Variants in ASTN2 observed in about 807,000 individuals in gnomAD.
ASTN2 encodes astrotactin 2.
Under a neutral mutation model 139.8 loss-of-function variants are expected in ASTN2, and 54 were observed. The ratio of observed to expected loss-of-function variants is 0.39; its 90% CI spans 0.31 to 0.48. The LOEUF (loss-of-function observed/expected upper bound fraction) is 0.48. Among genes scored for constraint, ASTN2 ranks in the 20% least tolerant of loss-of-function variants. The pLI is 0.95. For missense variants in ASTN2, 1,565 were observed against 1,725.1 expected (o/e 0.91, Z 1.64); for synonymous variants, 756 against 719.5 (o/e 1.05, Z -0.81).
At chr9:116,656,932 T>G (rs943536570) in intron 16 of ASTN2, among the ~76,000 whole-genome samples, 48 of 152,328 alleles carry the variant, frequency 3.2e-4, no homozygotes, top group Non-Finnish European at 6.6e-4. Context: ...TTGAAGCATT[T>G]AAAAGCTCCA....
chr9:116,672,491 A>G (rs1859257089), intron 16 of ASTN2, among the ~76,000 whole-genome samples: 1 of 152,214 alleles, frequency 6.6e-6, no homozygotes, highest in African/African-American at 2.4e-5. Context: ...TCAGTTGCCA[A>G]TGAGAGAAGA....
At chr9:116,661,696 C>T (rs569604776) in intron 16 of ASTN2, among the ~76,000 whole-genome samples, 77 of 152,218 alleles carry the variant, frequency 5.1e-4, no homozygotes, top group Middle Eastern at 6.8e-3. Flanking sequence ...ACTTCATATA[C>T]ATCTGGATGT....
chr9:117,403,762 C>T (rs1830904507), intron 1 of ASTN2, among the ~76,000 whole-genome samples: 1 of 152,158 alleles, frequency 6.6e-6, no homozygotes, highest in Non-Finnish European at 1.5e-5. Flanking sequence ...CGCCTGCTCC[C>T]ACAACACCCA....
chr9:117,038,048 A>G (rs1317472103), intron 6 of ASTN2, among the ~76,000 whole-genome samples: 2 of 152,198 alleles, frequency 1.3e-5, no homozygotes, highest in South Asian at 2.1e-4. Context: ...CTGAATGTAT[A>G]TGAACTGATT....
intron 1 of ASTN2, among the ~76,000 whole-genome samples, chr9:117,317,883 A>G (rs996183513): frequency 2.0e-5 from 3 of 152,178 alleles, no homozygotes; most frequent in Non-Finnish European, 4.4e-5. Flanking sequence ...CACTCCAGAG[A>G]GGGGCTGTGA....
chr9:116,981,959 A>T (rs541218594), intron 7 of ASTN2, among the ~76,000 whole-genome samples: 1 of 152,248 alleles, frequency 6.6e-6, no homozygotes, highest in East Asian at 1.9e-4. Context: ...GTTTTAAAAG[A>T]TTTACTCTTC....
chr9:116,743,351 C>T (rs534662133), intron 13 of ASTN2, among the ~76,000 whole-genome samples: 3 of 152,258 alleles, frequency 2.0e-5, no homozygotes, highest in South Asian at 4.1e-4. Context: ...GAGATTGAGA[C>T]CATCCTCGCT....
chr9:117,051,329 C>A (rs1357105660), intron 5 of ASTN2, among the ~76,000 whole-genome samples: 1 of 152,136 alleles, frequency 6.6e-6, no homozygotes, highest in Non-Finnish European at 1.5e-5. Flanking sequence ...TTTGATTAAT[C>A]ATAAAAGCTT....
intron 3 of ASTN2, among the ~76,000 whole-genome samples, chr9:117,173,221 T>C (rs1484439433): frequency 6.6e-6 from 1 of 152,142 alleles, no homozygotes; most frequent in African/African-American, 2.4e-5. Flanking sequence ...CACTTAGCAA[T>C]CTGGCCCCAA....
intron 1 of ASTN2, among the ~76,000 whole-genome samples, chr9:117,393,916 A>G (rs987547635): frequency 6.6e-6 from 1 of 152,160 alleles, no homozygotes; most frequent in Non-Finnish European, 1.5e-5. Flanking sequence ...GAACAGGCCC[A>G]TCAAGGGTCC....
At chr9:117,111,751 T>A (rs1403026860) in intron 4 of ASTN2, among the ~76,000 whole-genome samples, 2 of 152,100 alleles carry the variant, frequency 1.3e-5, no homozygotes, top group Admixed American at 6.5e-5. Context: ...TTGCACATCA[T>A]AGTCAAACTG....
chr9:116,541,926 T>C (rs886718899), intron 19 of ASTN2, among the ~76,000 whole-genome samples: 2 of 152,194 alleles, frequency 1.3e-5, no homozygotes, highest in African/African-American at 4.8e-5. Flanking sequence ...CTTTACCCAG[T>C]TTTCTCCTGT....
At chr9:117,095,285 C>T (rs1430516567) in intron 5 of ASTN2, among the ~76,000 whole-genome samples, 1 of 152,212 alleles carries the variant, frequency 6.6e-6, no homozygotes, top group Non-Finnish European at 1.5e-5. Context: ...GAATCACATT[C>T]ACAGGCAATT....
intron 5 of ASTN2, among the ~76,000 whole-genome samples, chr9:117,056,017 T>C (rs1346811563): frequency 6.6e-6 from 1 of 152,230 alleles, no homozygotes; most frequent in Non-Finnish European, 1.5e-5. Context: ...TGAGAAGAGC[T>C]GAGGATGGCC....
At chr9:116,855,590 G>T (rs1004431463) in intron 11 of ASTN2, among the ~76,000 whole-genome samples, 1 of 152,188 alleles carries the variant, frequency 6.6e-6, no homozygotes, top group Non-Finnish European at 1.5e-5. Flanking sequence ...AGAAGAAAGT[G>T]CCCCTCTCTT....
intron 19 of ASTN2, among the ~76,000 whole-genome samples, chr9:116,567,618 G>C (rs1415566799): frequency 6.6e-6 from 1 of 152,186 alleles, no homozygotes; most frequent in Admixed American, 6.5e-5. Context: ...TAGCATGGAA[G>C]ATGGATTGAA....
chr9:116,521,961 T>C (rs1313236330), intron 19 of ASTN2, among the ~76,000 whole-genome samples: 1 of 151,904 alleles, frequency 6.6e-6, no homozygotes, highest in African/African-American at 2.4e-5. Flanking sequence ...AACCACAATG[T>C]AATACTACCT....
At chr9:117,076,528 G>A (rs1828284869) in intron 5 of ASTN2, among the ~76,000 whole-genome samples, 1 of 152,094 alleles carries the variant, frequency 6.6e-6, no homozygotes, top group Admixed American at 6.5e-5. Flanking sequence ...ACCATCAGAA[G>A]GTTTCAACAA....
intron 7 of ASTN2, among the ~76,000 whole-genome samples, chr9:116,988,587 T>C (rs1014129955): frequency 6.6e-6 from 1 of 152,170 alleles, no homozygotes; most frequent in African/African-American, 2.4e-5. Context: ...AGCCGCAAAG[T>C]GTTAAATGAC....
Sources: gnomAD v4.1 joint callset for allele counts (sites outside exome capture counted in the v4.1 genomes callset) on GRCh38, gnomAD v4.1.1 for gene constraint, MANE v1.5 for transcripts, NCBI Gene and HGNC (gene_info 2026-07-23, HGNC 2026-07-21) for gene names.